The following GALNT2 variants were observed in gnomAD, a reference collection of about 807,000 sequenced individuals.
GALNT2 encodes the protein polypeptide N-acetylgalactosaminyltransferase 2.
A neutral mutation model predicts 81.4 loss-of-function variants in GALNT2; 31 were observed. That is an observed-to-expected ratio of 0.38 (90% CI 0.29 to 0.51). GALNT2 has a LOEUF of 0.51. Among genes scored for constraint, GALNT2 ranks in the 20% least tolerant of loss-of-function variants. The pLI, the probability that GALNT2 is intolerant of heterozygous loss-of-function variation, is 0.87. For missense variants in GALNT2, 629 were observed against 765.7 expected (o/e 0.82, Z 2.11); for synonymous variants, 303 against 287.4 (o/e 1.05, Z -0.55).
intron 1 of GALNT2, among the ~76,000 whole-genome samples, chr1:230,089,754 T>C (rs1046241840): frequency 1.3e-5 from 2 of 152,238 alleles, no homozygotes; most frequent in African/African-American, 2.4e-5. Context: ...CCTTTCTTTT[T>C]AAAGCTGGGT....
intron 11 of GALNT2, among the ~76,000 whole-genome samples, chr1:230,260,599 C>A (rs574932744): frequency 4.6e-5 from 7 of 152,262 alleles, no homozygotes; most frequent in African/African-American, 1.4e-4. Flanking sequence ...TTGGGGAAAT[C>A]CAGGTGCCAG....
At chr1:230,229,105 C>T (rs1218366937) in intron 3 of GALNT2, among the ~76,000 whole-genome samples, 1 of 152,176 alleles carries the variant, frequency 6.6e-6, no homozygotes, top group African/African-American at 2.4e-5. Flanking sequence ...CCCAGGGTCA[C>T]AGTTTGAAAA....
At position 230,279,960 on chromosome 1, in the gene GALNT2, C is replaced by G. The variant is rs1029384641; in HGVS notation, c.*502C>G. On this transcript the variant is annotated 3_prime_UTR_variant, in exon 16 of 16. Transcript: ENST00000366672. The surrounding 1 kb of genome is among the most constrained non-coding windows in gnomAD (Gnocchi z 4.6). ...AGGTTTACGTCAATAGTCCCTCTCT[C>G]TGCTCCTCCATTCGCAAGTGTCTTC... 1 of 456,226 alleles carries G rather than the reference C, an allele frequency of 2.2e-6. No homozygotes were observed. The highest frequency in any genetic ancestry group is 4.4e-6 in the Non-Finnish European group (1 of 226,972). 28.3% of individuals were successfully genotyped at this position (456,226 alleles called of 1,614,324 possible).
At chr1:230,061,016 G>A (rs994704137) in intron 1 of GALNT2, among the ~76,000 whole-genome samples, 4 of 151,938 alleles carry the variant, frequency 2.6e-5, no homozygotes, top group Non-Finnish European at 4.4e-5. Context: ...CCCCAGTCCT[G>A]GAATCAATAA....
chr1:230,239,023 C>G (rs968134140), intron 6 of GALNT2, among the ~76,000 whole-genome samples: 1 of 151,922 alleles, frequency 6.6e-6, no homozygotes, highest in Non-Finnish European at 1.5e-5. Context: ...TGGATATAGG[C>G]GTATTCAGAT....
chr1:230,141,980 C>T (rs889031132), intron 1 of GALNT2, among the ~76,000 whole-genome samples: 2 of 151,770 alleles, frequency 1.3e-5, no homozygotes, highest in Non-Finnish European at 2.9e-5. Flanking sequence ...TTGTTAGAGA[C>T]GAGAGCCTCA....
At chr1:230,121,984 A>C (rs1486554682) in intron 1 of GALNT2, among the ~76,000 whole-genome samples, 2 of 98,198 alleles carry the variant, frequency 2.0e-5, no homozygotes, top group African/African-American at 4.0e-5. Flanking sequence ...ACAGGGTCTT[A>C]CTCTGTTGCC....
At chr1:230,217,053 T>A (rs1257316030) in intron 3 of GALNT2, among the ~76,000 whole-genome samples, 1 of 152,176 alleles carries the variant, frequency 6.6e-6, no homozygotes. Context: ...GGTGTTTTTC[T>A]GGTCACTGGG....
intron 1 of GALNT2, among the ~76,000 whole-genome samples, chr1:230,112,800 T>TGGGG (rs200649766): frequency 1.3e-5 from 1 of 76,114 alleles, no homozygotes; most frequent in Non-Finnish European, 2.6e-5. Context: ...GGCAGGGGGG[T>TGGGG]GGGGGGGACC....
At chr1:230,128,209 A>T (rs1368735603) in intron 1 of GALNT2, among the ~76,000 whole-genome samples, 1 of 151,898 alleles carries the variant, frequency 6.6e-6, no homozygotes, top group Admixed American at 6.6e-5. Flanking sequence ...TCTCTGTCAC[A>T]TCGCACTCAC....
Position 230,280,099 on chromosome 1 carries a change from TG to T in GALNT2, c.*643del. ...GAAAGAATGTACGGTCAGTTCCCTA[TG>T]GTTTCTGTAGATCATCGTCATCTTG... On this transcript the variant is annotated 3_prime_UTR_variant, in exon 16 of 16. Transcript: ENST00000366672. The T allele has an allele frequency of 2.3e-6, 1 of 432,880 alleles. No homozygotes were observed. The highest frequency in any genetic ancestry group is 1.6e-5 in the South Asian group (1 of 61,728). 26.8% of individuals were successfully genotyped at this position (432,880 alleles called of 1,614,324 possible).
chr1:230,153,906 A>G (rs1050800430), intron 1 of GALNT2, among the ~76,000 whole-genome samples: 5 of 152,226 alleles, frequency 3.3e-5, no homozygotes, highest in African/African-American at 1.2e-4. Context: ...ACAACAACAA[A>G]AAAGCTACTG....
chr1:230,249,397 C>T (rs1665475190), intron 9 of GALNT2, 126 bp downstream of exon 9: 2 of 709,792 alleles, frequency 2.8e-6, no homozygotes, highest in South Asian at 1.8e-5. Context: ...GGTTTCCCCT[C>T]GTCTCAGCTC....
In GALNT2 at chr1:230,271,139, G is replaced by A. The variant is rs1403212794; in HGVS notation, c.1441-3306G>A. On this transcript the variant is annotated intron_variant, in intron 14 of 15. Transcript: ENST00000366672. This position sits in a 1 kb window ranked among gnomAD's most constrained non-coding sequence, Gnocchi z 4.2. ...ACTCTCCTCTTCACTGTGAGTGGGCGTCTCTGTGTACCACAGTTTCACACA... is the reference window on the plus strand; with the variant it reads ...ACTCTCCTCTTCACTGTGAGTGGGCATCTCTGTGTACCACAGTTTCACACA... Among the ~76,000 whole-genome samples the A allele has an allele frequency of 5.3e-5, 8 of 152,170 alleles. No individual in the cohort carries two copies. Among genetic ancestry groups the A allele is most frequent in the Admixed American group, 3.3e-4 (5 of 15,268 alleles).
At chr1:230,145,349 C>G (rs1661882757) in intron 1 of GALNT2, among the ~76,000 whole-genome samples, 1 of 152,234 alleles carries the variant, frequency 6.6e-6, no homozygotes, top group African/African-American at 2.4e-5. Flanking sequence ...GCCTCAGACT[C>G]TGGCAGTCGG....
At chr1:230,104,303 A>T (rs1160279570) in intron 1 of GALNT2, among the ~76,000 whole-genome samples, 1 of 152,142 alleles carries the variant, frequency 6.6e-6, no homozygotes, top group African/African-American at 2.4e-5. Flanking sequence ...TAAAAAGCTG[A>T]AATCTTATCT....
chr1:230,131,602 A>G (rs1228218720), intron 1 of GALNT2, among the ~76,000 whole-genome samples: 1 of 152,174 alleles, frequency 6.6e-6, no homozygotes, highest in Non-Finnish European at 1.5e-5. Context: ...CCTGCAATTT[A>G]AACCTCGCAC....
intron 1 of GALNT2, among the ~76,000 whole-genome samples, chr1:230,153,179 T>C (rs1446044599): frequency 6.6e-6 from 1 of 152,232 alleles, no homozygotes; most frequent in Non-Finnish European, 1.5e-5. Context: ...TCTTCTTATC[T>C]CAGTCTGTGG....
Position 230,246,069 on chromosome 1 carries a change from A to C in GALNT2, c.736A>C (p.Thr246Pro). Residue 246 changes from threonine to proline, a missense_variant, in exon 8 of 16, where the codon ACT becomes CCT. By Grantham distance (38) the Thr-to-Pro change is conservative (BLOSUM62 -1). Coordinates refer to ENST00000366672, the MANE Select transcript of GALNT2 (RefSeq NM_004481.5). ...TCCTCTCTTTGTATTTTAGGACAGG[A>C]CTCGGGTTGTGTCACCCATCATCGA... The part of the protein sequence containing the change: ...PLLERVAEDR[T>P]RVVSPIIDVI... 1 of 1,613,242 alleles carries C rather than the reference A, an allele frequency of 6.2e-7. No homozygotes were observed. The highest frequency in any genetic ancestry group is 8.5e-7 in the Non-Finnish European group (1 of 1,179,362).
Sources: allele counts gnomAD v4.1 joint callset (sites outside exome capture counted in the v4.1 genomes callset), GRCh38; gene constraint gnomAD v4.1.1; non-coding constraint Gnocchi (gnomAD v3.1); transcripts MANE v1.5; gene names NCBI Gene and HGNC (gene_info 2026-07-23, HGNC 2026-07-21).